SERGEF: variants seen among roughly 807,000 people sequenced by gnomAD.
SERGEF encodes secretion regulating guanine nucleotide exchange factor.
A neutral mutation model predicts 50.0 loss-of-function variants in SERGEF; 51 were observed. The ratio of observed to expected loss-of-function variants is 1.02; its 90% CI spans 0.81 to 1.29. The LOEUF (loss-of-function observed/expected upper bound fraction) is 1.29. Ranked by LOEUF, SERGEF falls within the 50% of genes most tolerant of loss-of-function variation. SERGEF has a pLI of 0.00. For missense variants in SERGEF, 521 were observed against 557.0 expected (o/e 0.94, Z 0.65); for synonymous variants, 205 against 212.4 (o/e 0.97, Z 0.30).
intron 9 of SERGEF, among the ~76,000 whole-genome samples, chr11:17,941,650 GA>G (rs1347415378): frequency 2.0e-5 from 3 of 152,270 alleles, no homozygotes; most frequent in African/African-American, 7.2e-5. Context: ...TATATATCCA[GA>G]AGTGGAATTA....
intron 10 of SERGEF, among the ~76,000 whole-genome samples, chr11:17,868,550 C>T (rs1158168233): frequency 6.6e-6 from 1 of 152,218 alleles, no homozygotes; most frequent in Non-Finnish European, 1.5e-5. Context: ...GTTCCAACCT[C>T]TGTCTGTTAC....
chr11:17,829,082 C>A (rs529607694), intron 10 of SERGEF, among the ~76,000 whole-genome samples: 20 of 152,182 alleles, frequency 1.3e-4, no homozygotes, highest in African/African-American at 4.8e-4. Flanking sequence ...AAGTGTTTTC[C>A]AGTTAATATG....
intron 9 of SERGEF, among the ~76,000 whole-genome samples, chr11:17,952,166 T>C (rs1436078480): frequency 2.6e-5 from 4 of 152,262 alleles, no homozygotes; most frequent in African/African-American, 4.8e-5. Context: ...GAAATAGGCA[T>C]GTTAATAATT....
intron 10 of SERGEF, among the ~76,000 whole-genome samples, chr11:17,840,811 T>A (rs1565182175): frequency 6.6e-6 from 1 of 152,192 alleles, no homozygotes; most frequent in Non-Finnish European, 1.5e-5. Flanking sequence ...CAAAGCCAGA[T>A]GGGTTCTGGG....
Position 17,995,780 on chromosome 11 carries a change from G to T in SERGEF, c.622+16C>A. The T allele has an allele frequency of 6.5e-7, 1 of 1,533,182 alleles. No individual in the cohort carries two copies. Among genetic ancestry groups the T allele is most frequent in the East Asian group, 2.3e-5 (1 of 44,408 alleles). 95.0% of individuals were successfully genotyped at this position (1,533,182 alleles called of 1,614,324 possible). A position where few individuals can be genotyped will look rare whatever the true frequency, so the allele number is the denominator to read the frequency against. ...GACAAAGAACAAATATAGGACTAAA[G>T]AAAGAAGCATCTTACCTGTCACTCT... On this transcript the variant is annotated intron_variant, in intron 6 of 10. Transcript: ENST00000265965.
rs12276830 is a variant in SERGEF at position 18,012,409 on chromosome 11, C to T, written c.60+542G>A. 7.1e-3 allele frequency: 5,938 copies of T among 840,658 alleles called. 267 individuals carry two copies. In the African/African-American group the frequency reaches 0.095, roughly 13 times the overall value. The allele number at this position is 840,658 out of a possible 1,614,324, so 52.1% of individuals were successfully genotyped here. On this transcript the variant is annotated intron_variant, in intron 1 of 10. Coordinates refer to ENST00000265965, the MANE Select transcript of SERGEF (RefSeq NM_012139.4). ...TCCCGTCAAACCAACAGCAGCCCAA[C>T]TCCCCCAACACATGCAAGAACCGGT...
intron 1 of SERGEF, among the ~76,000 whole-genome samples, chr11:18,012,030 T>C (rs906763510): frequency 2.0e-5 from 3 of 152,132 alleles, no homozygotes; most frequent in African/African-American, 7.2e-5. Flanking sequence ...CACTCGTGTA[T>C]TTCACTCATG....
intron 10 of SERGEF, 85 bp downstream of exon 10, chr11:17,878,123 C>A: frequency 1.0e-6 from 1 of 1,003,228 alleles, no homozygotes. Context: ...GTGCACGCAC[C>A]ATGGCTTTTG....
At chr11:17,909,523 G>A (rs1027594280) in intron 9 of SERGEF, among the ~76,000 whole-genome samples, 1 of 152,200 alleles carries the variant, frequency 6.6e-6, no homozygotes, top group Non-Finnish European at 1.5e-5. Context: ...GAACTTGTAA[G>A]CAGGATCAGG....
At chr11:17,859,592 T>C (rs1850888923) in intron 10 of SERGEF, among the ~76,000 whole-genome samples, 2 of 151,778 alleles carry the variant, frequency 1.3e-5, no homozygotes, top group South Asian at 4.2e-4. Context: ...GCTCAATAAA[T>C]ACCAGAACAA....
At chr11:17,894,183 C>T (rs1156459892) in intron 9 of SERGEF, among the ~76,000 whole-genome samples, 2 of 152,138 alleles carry the variant, frequency 1.3e-5, no homozygotes, top group Admixed American at 6.6e-5. Context: ...TCATCAAACC[C>T]CTCCACACAG....
chr11:17,826,049 G>C (rs769250105), intron 10 of SERGEF, among the ~76,000 whole-genome samples: 1 of 152,114 alleles, frequency 6.6e-6, no homozygotes, highest in Non-Finnish European at 1.5e-5. Flanking sequence ...CCTATCATGG[G>C]AATTAACTAC....
intron 9 of SERGEF, among the ~76,000 whole-genome samples, chr11:17,950,656 C>G (rs1852758072): frequency 6.6e-6 from 1 of 152,070 alleles, no homozygotes; most frequent in East Asian, 1.9e-4. Context: ...AGTTTTAGTC[C>G]CCTGACAAGC....
At chr11:17,953,102 C>A (rs1852801867) in intron 9 of SERGEF, among the ~76,000 whole-genome samples, 1 of 106,492 alleles carries the variant, frequency 9.4e-6, no homozygotes, top group Admixed American at 1.5e-4. Context: ...CCCAGCAAAA[C>A]CACAGGGATT....
chr11:17,984,948 A>G (rs1590233688), intron 8 of SERGEF, among the ~76,000 whole-genome samples: 1 of 152,228 alleles, frequency 6.6e-6, no homozygotes, highest in East Asian at 1.9e-4. Flanking sequence ...AAAGAGATGT[A>G]CACAATTACA....
intron 9 of SERGEF, among the ~76,000 whole-genome samples, chr11:17,934,951 T>A (rs575485433): frequency 1.3e-5 from 2 of 152,254 alleles, no homozygotes; most frequent in African/African-American, 4.8e-5. Context: ...TCTCACTTAA[T>A]TTAGACAAAG....
chr11:17,835,682 A>C (rs996390724), intron 10 of SERGEF, among the ~76,000 whole-genome samples: 1 of 152,186 alleles, frequency 6.6e-6, no homozygotes. Context: ...GATCAAATTG[A>C]CTCAAATCCC....
intron 5 of SERGEF, 24 bp downstream of exon 5, chr11:18,000,473 A>C: frequency 6.6e-7 from 1 of 1,512,814 alleles, no homozygotes; most frequent in Non-Finnish European, 8.9e-7. Context: ...AATAAAAATA[A>C]AAAAATAAAG....
chr11:18,008,121 C>A (rs747657932), intron 1 of SERGEF, 45 bp from the exon 2 acceptor site: 2 of 1,583,844 alleles, frequency 1.3e-6, no homozygotes, highest in East Asian at 2.2e-5. Flanking sequence ...GGAACCACAA[C>A]TGTCAATGTC....
Sources: gnomAD v4.1 joint callset for allele counts (sites outside exome capture counted in the v4.1 genomes callset) on GRCh38, gnomAD v4.1.1 for gene constraint, MANE v1.5 for transcripts, NCBI Gene and HGNC (gene_info 2026-07-23, HGNC 2026-07-21) for gene names.